Variants in DLGAP1 observed in about 807,000 individuals in gnomAD.
DLGAP1 encodes the protein disks large-associated protein 1.
In DLGAP1, 11 loss-of-function variants were observed where a neutral mutation model predicts 90.8. The observed-to-expected ratio is 0.12, with a 90% confidence interval of 0.08 to 0.20. The LOEUF is 0.20. Ranked by LOEUF, DLGAP1 falls within the 10% of genes least tolerant of loss-of-function variation. The pLI is 1.00. For missense variants in DLGAP1, 1,050 were observed against 1,333.8 expected, an observed-to-expected ratio of 0.79 and a Z score of 3.31; for synonymous variants, 558 against 540.7, an observed-to-expected ratio of 1.03 and a Z score of -0.44.
intron 1 of DLGAP1, among the ~76,000 whole-genome samples, chr18:4,280,397 G>A (rs1242409115): frequency 1.3e-5 from 2 of 152,166 alleles, no homozygotes; most frequent in African/African-American, 2.4e-5. Context: ...TAAAACAAAT[G>A]AAGAAACTGA....
chr18:3,847,038 T>G (rs921612013), intron 4 of DLGAP1, among the ~76,000 whole-genome samples: 7 of 152,232 alleles, frequency 4.6e-5, no homozygotes, highest in Non-Finnish European at 8.8e-5. Flanking sequence ...GCTCATGATA[T>G]ATGATCTTTT....
At chr18:3,994,038 A>G (rs1157770196) in intron 3 of DLGAP1, among the ~76,000 whole-genome samples, 7 of 152,132 alleles carry the variant, frequency 4.6e-5, no homozygotes. Flanking sequence ...AGAACCACAG[A>G]GACCCCCTTG....
At chr18:4,307,136 T>G (rs1258409251) in intron 1 of DLGAP1, among the ~76,000 whole-genome samples, 1 of 152,216 alleles carries the variant, frequency 6.6e-6, no homozygotes, top group African/African-American at 2.4e-5. Context: ...CTTTAGAATG[T>G]GTTAATGTGC....
At chr18:3,580,448 G>A (rs2055423924) in intron 8 of DLGAP1, 1 of 1,612,688 alleles carries the variant, frequency 6.2e-7, no homozygotes. Context: ...CTACACCTCT[G>A]CCAGCTCCCT....
chr18:3,763,650 A>G (rs1459563424), intron 5 of DLGAP1, among the ~76,000 whole-genome samples: 1 of 151,488 alleles, frequency 6.6e-6, no homozygotes. Flanking sequence ...CGGGAAATGA[A>G]AGGCCTATCT....
chr18:3,571,843 T>C (rs1183363586), intron 8 of DLGAP1, among the ~76,000 whole-genome samples: 1 of 152,164 alleles, frequency 6.6e-6, no homozygotes, highest in East Asian at 1.9e-4. Flanking sequence ...GGTCTTATAT[T>C]TTATGTAAGG....
At chr18:3,697,330 G>A (rs1350117383) in intron 7 of DLGAP1, among the ~76,000 whole-genome samples, 1 of 152,142 alleles carries the variant, frequency 6.6e-6, no homozygotes, top group Non-Finnish European at 1.5e-5. Context: ...GGCATTTAGT[G>A]CTATAAATTT....
intron 5 of DLGAP1, among the ~76,000 whole-genome samples, chr18:3,812,892 T>C (rs529388882): frequency 3.9e-4 from 60 of 152,340 alleles, no homozygotes; most frequent in South Asian, 3.7e-3. Flanking sequence ...TTTAGTAACA[T>C]AAATGCATGA....
chr18:4,299,900 C>A (rs892829753), intron 1 of DLGAP1, among the ~76,000 whole-genome samples: 1 of 152,066 alleles, frequency 6.6e-6, no homozygotes, highest in African/African-American at 2.4e-5. Context: ...AGAATCAAAT[C>A]AATTGGAAAA....
At chr18:4,198,199 C>T (rs1270175994) in intron 1 of DLGAP1, among the ~76,000 whole-genome samples, 9 of 151,846 alleles carry the variant, frequency 5.9e-5, no homozygotes, top group Non-Finnish European at 1.2e-4. Flanking sequence ...CCAGCCTGGG[C>T]GACAGAGTGA....
chr18:3,815,367 T>C (rs1161880368), intron 4 of DLGAP1, among the ~76,000 whole-genome samples: 1 of 140,180 alleles, frequency 7.1e-6, no homozygotes, highest in Non-Finnish European at 1.5e-5. Context: ...TAATGGAAGA[T>C]AATGGCATTT....
At chr18:3,651,244 G>T (rs1164639751) in intron 7 of DLGAP1, among the ~76,000 whole-genome samples, 1 of 150,160 alleles carries the variant, frequency 6.7e-6, no homozygotes, top group Admixed American at 6.6e-5. Context: ...CTGTAATCCC[G>T]GCTACTTGGG....
At chr18:4,042,948 T>C (rs2074997542) in intron 2 of DLGAP1, among the ~76,000 whole-genome samples, 2 of 152,206 alleles carry the variant, frequency 1.3e-5, no homozygotes, top group African/African-American at 4.8e-5. Flanking sequence ...TAGGATAATT[T>C]TTCTCTTCTA....
chr18:3,628,708 T>C (rs1438913731), intron 7 of DLGAP1, among the ~76,000 whole-genome samples: 2 of 152,226 alleles, frequency 1.3e-5, no homozygotes, highest in African/African-American at 4.8e-5. Context: ...TTATGCCTGG[T>C]TTTGAACTTT....
Position 3,773,474 on chromosome 18 carries a change from ATTAG to A in DLGAP1, c.1173-30966_1173-30963del, listed in dbSNP as rs368078710. 3.5e-3 allele frequency among the ~76,000 whole-genome samples: 531 copies of A among 152,328 alleles called. 2 individuals are homozygous for A. Among genetic ancestry groups the A allele is most frequent in the African/African-American group, 8.0e-3 (334 of 41,568 alleles). ...CCTCTAGGAACAAAATGTTTTCCTA[ATTAG>A]TTAGAATAGTTAATAGTTTATTGTT... On this transcript the variant is annotated intron_variant, in intron 5 of 12. Transcript: ENST00000315677.
intron 7 of DLGAP1, among the ~76,000 whole-genome samples, chr18:3,589,655 T>C (rs993386005): frequency 6.6e-6 from 1 of 152,106 alleles, no homozygotes; most frequent in South Asian, 2.1e-4. Flanking sequence ...CCCCAAGGCG[T>C]TGTTATTAAG....
At chr18:4,316,796 C>T (rs1461086357) in intron 1 of DLGAP1, among the ~76,000 whole-genome samples, 7 of 152,136 alleles carry the variant, frequency 4.6e-5, no homozygotes, top group Admixed American at 6.5e-5. Flanking sequence ...TTCCTGAGTC[C>T]GGTTACTGAC....
chr18:4,198,873 T>C lies in DLGAP1; in HGVS notation c.-266-47586A>G, dbSNP rs372511694. Among the ~76,000 whole-genome samples, 151 of 152,306 alleles carry C rather than the reference T, an allele frequency of 9.9e-4. 4 individuals are homozygous for C. In the South Asian group the frequency reaches 0.013, roughly 13 times the overall value. On this transcript the variant is annotated intron_variant, in intron 1 of 12. Coordinates refer to ENST00000315677, the MANE Select transcript of DLGAP1 (RefSeq NM_004746.4). ...TTTAACAATGTCATTCTTATTAACT[T>C]GCATTGCAGTGGGAGGCAAATGCCA...
intron 2 of DLGAP1, among the ~76,000 whole-genome samples, chr18:4,029,962 T>G (rs2074767141): frequency 6.6e-6 from 1 of 152,204 alleles, no homozygotes; most frequent in Non-Finnish European, 1.5e-5. Flanking sequence ...ATTGCCTTTC[T>G]CCTCCCACTA....
Sources: gnomAD v4.1 joint callset for allele counts (sites outside exome capture counted in the v4.1 genomes callset) on GRCh38, gnomAD v4.1.1 for gene constraint, MANE v1.5 for transcripts, NCBI Gene and HGNC (gene_info 2026-07-23, HGNC 2026-07-21) for gene names.